PDZRN3: variants seen among roughly 807,000 people sequenced by gnomAD.
PDZRN3 encodes PDZ domain containing ring finger 3, also known as E3 ubiquitin-protein ligase PDZRN3.
Under a neutral mutation model 85.7 loss-of-function variants are expected in PDZRN3, and 38 were observed. The observed-to-expected ratio is 0.44, with a 90% CI of 0.34 to 0.58. The LOEUF is 0.58. Ranked by LOEUF, PDZRN3 falls within the 20% of genes least tolerant of loss-of-function variation. The probability of loss-of-function intolerance (pLI) is 0.01; values close to 1 mark genes in which losing one functional copy is unlikely to be tolerated. For synonymous variants in PDZRN3, 759 were observed against 638.0 expected (o/e 1.19, Z -2.86); for missense variants, 1,629 against 1,506.4 (o/e 1.08, Z -1.35).
rs1429977645 is a variant in PDZRN3 at position 73,491,593 on chromosome 3, C to CTTTTTTTTTTTTT, written c.919-87199_919-87198insAAAAAAAAAAAAA. Among the ~76,000 whole-genome samples, 26 of 132,860 alleles carry CTTTTTTTTTTTTT rather than the reference C, an allele frequency of 2.0e-4. 2 individuals carry two copies. Among genetic ancestry groups the CTTTTTTTTTTTTT allele is most frequent in the Admixed American group, 2.4e-4 (3 of 12,534 alleles). The allele number at this position is 132,860 out of a possible 152,430, so 87.2% of individuals were successfully genotyped here. On this transcript the variant is annotated intron_variant, in intron 3 of 9. Coordinates refer to ENST00000263666, the MANE Select transcript of PDZRN3 (RefSeq NM_015009.3). ...AAGAAAAACCTTGTGTGGAAGGTTCCTTTTTTTTTTTTAAGAAGCAGGGTC... is the reference window on the plus strand; with the variant it reads ...AAGAAAAACCTTGTGTGGAAGGTTCCTTTTTTTTTTTTTTTTTTTTTTTTTAAGAAGCAGGGTC...
intron 3 of PDZRN3, among the ~76,000 whole-genome samples, chr3:73,416,875 G>GGTTTTTTTTTTTTTTTTTTTTTTTTT (rs1702095197): frequency 2.5e-5 from 1 of 40,748 alleles, no homozygotes; most frequent in Non-Finnish European, 5.2e-5. Flanking sequence ...GTTTTTTTTT[G>GGTTTTTTTTTTTTTTTTTTTTTTTTT]GTTTTTTTTT....
intron 3 of PDZRN3, among the ~76,000 whole-genome samples, chr3:73,600,337 A>ACACACACACACACACACT (rs34405662): frequency 2.0e-5 from 2 of 100,052 alleles, no homozygotes; most frequent in African/African-American, 8.6e-5. Context: ...ACACACACAC[A>ACACACACACACACACACT]CTCTCTCTCT....
In PDZRN3 at chr3:73,384,632, C is replaced by G. The variant is rs368761158; in HGVS notation, c.1934G>C (p.Arg645Pro). The G allele has an allele frequency of 1.3e-5, 21 of 1,613,676 alleles. No homozygotes were observed. Among genetic ancestry groups the G allele is most frequent in the Non-Finnish European group, 1.6e-5 (19 of 1,180,022 alleles). Reference sequence around the variant, plus strand: ...CTTGAGCTCCAGGAGCTCGCGGAAGCGCTCGCACTCGTCCACCGGGATCCC... The same window carrying G: ...CTTGAGCTCCAGGAGCTCGCGGAAGGGCTCGCACTCGTCCACCGGGATCCC... ...YLGIPVDECE[R>P]FRELLELKCQ... is the part of the protein sequence containing the mutation. Residue 645 changes from arginine (R) to proline (P), a missense_variant, in exon 10 of 10, where the codon CGC becomes CCC. Physicochemically the swap from Arg to Pro is moderately radical, Grantham distance 103 (BLOSUM62 -2). Coordinates refer to ENST00000263666, the MANE Select transcript of PDZRN3 (RefSeq NM_015009.3).
At chr3:73,598,888 A>G (rs1263239219) in intron 3 of PDZRN3, among the ~76,000 whole-genome samples, 3 of 152,010 alleles carry the variant, frequency 2.0e-5, no homozygotes, top group African/African-American at 7.3e-5. Flanking sequence ...TGTCCCTGTC[A>G]CTCCCCAGTG....
At chr3:73,473,536 G>A (rs541628229) in intron 3 of PDZRN3, among the ~76,000 whole-genome samples, 2 of 152,180 alleles carry the variant, frequency 1.3e-5, no homozygotes, top group East Asian at 1.9e-4. Flanking sequence ...GGTAGGTGAC[G>A]ATCACAATGA....
chr3:73,429,235 C>A (rs927884099), intron 3 of PDZRN3, among the ~76,000 whole-genome samples: 1 of 152,038 alleles, frequency 6.6e-6, no homozygotes, highest in East Asian at 1.9e-4. Flanking sequence ...TTTTTCCATA[C>A]CTACTTTGCC....
chr3:73,437,898 G>A (rs1702561032), intron 3 of PDZRN3, among the ~76,000 whole-genome samples: 1 of 152,184 alleles, frequency 6.6e-6, no homozygotes, highest in African/African-American at 2.4e-5. Context: ...CAGAGGCAGT[G>A]TAAGGGCAAA....
At chr3:73,507,250 C>T (rs1414956796) in intron 3 of PDZRN3, among the ~76,000 whole-genome samples, 5 of 152,200 alleles carry the variant, frequency 3.3e-5, no homozygotes, top group Non-Finnish European at 5.9e-5. Context: ...TTCACAGCAA[C>T]CTCTGCTTCC....
rs149218163 is a variant in PDZRN3 at position 73,466,773 on chromosome 3, C to T, written c.919-62378G>A. Among the ~76,000 whole-genome samples the T allele has an allele frequency of 2.6e-3, 399 of 152,184 alleles. 5 individuals are homozygous for T. Among genetic ancestry groups the T allele is most frequent in the African/African-American group, 9.2e-3 (383 of 41,518 alleles). ...AAATCTTGCTTAAAACCATACACCC[C>T]CAATGAGGTCTCTGGTTTCTGTTTT... On this transcript the variant is annotated intron_variant, in intron 3 of 9. Transcript: ENST00000263666.
At chr3:73,453,407 AAAAAAAAAAAAAAAAAC>A (rs1263426250) in intron 3 of PDZRN3, among the ~76,000 whole-genome samples, 29 of 107,348 alleles carry the variant, frequency 2.7e-4, no homozygotes, top group East Asian at 2.0e-3. Flanking sequence ...TTCGTCTCAA[AAAAAAAAAAAAAAAAAC>A]AAAAAAAAAA....
chr3:73,479,411 C>T (rs1375876458), intron 3 of PDZRN3, among the ~76,000 whole-genome samples: 1 of 152,146 alleles, frequency 6.6e-6, no homozygotes. Context: ...AAGTGACTTC[C>T]CTTTTCACTG....
Position 73,580,607 on chromosome 3 carries a change from G to A in PDZRN3, c.918+21747C>T, listed in dbSNP as rs373205033. ...CCTACAGATGGGAACTTGACATAAAGAGGAGAAGGCTGCACTGGCCTCCAT... is the reference window on the plus strand; with the variant it reads ...CCTACAGATGGGAACTTGACATAAAAAGGAGAAGGCTGCACTGGCCTCCAT... On this transcript the variant is annotated intron_variant, in intron 3 of 9. Coordinates refer to ENST00000263666, the MANE Select transcript of PDZRN3 (RefSeq NM_015009.3). Among the ~76,000 whole-genome samples, 245 of 152,308 alleles carry A rather than the reference G, an allele frequency of 1.6e-3. 10 individuals carry two copies. The South Asian group carries it at 0.05, about 31-fold the overall frequency.
At chr3:73,478,121 T>G (rs370775078) in intron 3 of PDZRN3, among the ~76,000 whole-genome samples, 56 of 152,304 alleles carry the variant, frequency 3.7e-4, no homozygotes, top group African/African-American at 1.3e-3. Context: ...GAATTTGCAT[T>G]ACTTTGGCCA....
intron 3 of PDZRN3, among the ~76,000 whole-genome samples, chr3:73,558,832 C>T (rs1193683762): frequency 2.0e-5 from 3 of 152,176 alleles, no homozygotes; most frequent in South Asian, 2.1e-4. Context: ...CTATGAGTTT[C>T]GACATTAACC....
At chr3:73,472,381 G>A (rs540793122) in intron 3 of PDZRN3, among the ~76,000 whole-genome samples, 1 of 152,304 alleles carries the variant, frequency 6.6e-6, no homozygotes, top group South Asian at 2.1e-4. Context: ...GTGGCAAGAG[G>A]CTCAGGGACA....
At position 73,384,212 on chromosome 3, in the gene PDZRN3, C is replaced by T; in HGVS notation, c.2354G>A (p.Gly785Asp). The T allele has an allele frequency of 6.2e-7, 1 of 1,613,794 alleles. No individual in the cohort carries two copies. The highest frequency in any genetic ancestry group is 1.1e-5 in the South Asian group (1 of 91,088). The change falls in exon 10 of 10, where the codon GGC becomes GAC. Residue 785 changes from glycine (G) to aspartate (D), a missense_variant. Coordinates refer to ENST00000263666, the MANE Select transcript of PDZRN3 (RefSeq NM_015009.3). Reference sequence around the variant, plus strand: ...CCCTTCGCTGCTCGGGCAGCTGATGCCCTCCGCCGCTCTCCTCAAGGAGTT... The same window carrying T: ...CCCTTCGCTGCTCGGGCAGCTGATGTCCTCCGCCGCTCTCCTCAAGGAGTT... ...PDNSLRRAAE[G>D]ISCPSSEGAV...
intron 7 of PDZRN3, among the ~76,000 whole-genome samples, chr3:73,389,277 C>A (rs995038370): frequency 6.6e-6 from 1 of 152,108 alleles, no homozygotes; most frequent in Non-Finnish European, 1.5e-5. Context: ...CTAGACGGAG[C>A]AACAGGGCTC....
At chr3:73,536,205 C>T (rs996542557) in intron 3 of PDZRN3, among the ~76,000 whole-genome samples, 20 of 152,178 alleles carry the variant, frequency 1.3e-4, no homozygotes, top group African/African-American at 4.8e-4. Context: ...TCCAAGGAAC[C>T]AACTGTGCAT....
At chr3:73,599,653 C>T (rs1475934543) in intron 3 of PDZRN3, among the ~76,000 whole-genome samples, 1 of 152,216 alleles carries the variant, frequency 6.6e-6, no homozygotes, top group Non-Finnish European at 1.5e-5. Flanking sequence ...AGAAATGCAA[C>T]TCTTGTATAA....
Sources: allele counts gnomAD v4.1 joint callset (sites outside exome capture counted in the v4.1 genomes callset), GRCh38; gene constraint gnomAD v4.1.1; transcripts MANE v1.5; gene names NCBI Gene and HGNC (gene_info 2026-07-23, HGNC 2026-07-21).